The following NCOA6 variants were observed in gnomAD, a reference collection of about 807,000 sequenced individuals.
NCOA6 encodes the protein NRC RAP250.
NCOA6 carries 49 observed loss-of-function variants against 171.4 expected under a neutral mutation model. The observed-to-expected ratio is 0.29, with a 90% confidence interval of 0.23 to 0.36. The LOEUF (loss-of-function observed/expected upper bound fraction) is 0.36. NCOA6 is among the 10% of genes least tolerant of loss of function. NCOA6 has a pLI of 1.00. For synonymous variants in NCOA6, 910 were observed against 927.5 expected (o/e 0.98, Z 0.34); for missense variants, 2,248 against 2,554.5 (o/e 0.88, Z 2.59).
rs570824337 is a variant in NCOA6, at chr20:34,802,808, C to T, written c.-163-10245G>A. On this transcript the variant is annotated intron_variant, in intron 1 of 14. Transcript: ENST00000359003. ...GGCAAAATGCAAGTTGAGAGTTACA[C>T]ATTTTTGTTTGTTTTAGTTTTTTGA... is the stretch of plus-strand genomic sequence containing the variant. Among the ~76,000 whole-genome samples the T allele has an allele frequency of 8.5e-5, 13 of 152,182 alleles. No homozygotes were observed. The East Asian group carries it at 2.1e-3, about 25-fold the overall frequency.
chr20:34,722,054 C>CAAAAAAAAAAAA (rs71196757), intron 14 of NCOA6, among the ~76,000 whole-genome samples: 1 of 63,386 alleles, frequency 1.6e-5, no homozygotes, highest in Non-Finnish European at 2.8e-5. Flanking sequence ...GACCCTGTCT[C>CAAAAAAAAAAAA]AAAAAAAAAA....
intron 6 of NCOA6, 24 bp downstream of exon 6, chr20:34,758,781 T>C: frequency 1.2e-6 from 2 of 1,610,008 alleles, no homozygotes; most frequent in Non-Finnish European, 1.7e-6. Flanking sequence ...AGACTCTTCA[T>C]CCTCAAAGAT....
intron 1 of NCOA6, among the ~76,000 whole-genome samples, chr20:34,811,267 C>A (rs2146623115): frequency 7.8e-6 from 1 of 128,678 alleles, no homozygotes; most frequent in East Asian, 2.3e-4. Flanking sequence ...AAATGATTAT[C>A]TCTATTCAAA....
chr20:34,731,582 T>C (rs1353945473), intron 13 of NCOA6, among the ~76,000 whole-genome samples: 1 of 152,208 alleles, frequency 6.6e-6, no homozygotes, highest in Non-Finnish European at 1.5e-5. Flanking sequence ...TAAGGATGCA[T>C]GGCATGGAAC....
chr20:34,750,305 G>A lies in NCOA6; in HGVS notation c.1890C>T (p.Pro630=). 1 of 1,613,430 alleles carries A rather than the reference G, an allele frequency of 6.2e-7. No individual in the cohort carries two copies. The highest frequency in any genetic ancestry group is 1.1e-5 in the South Asian group (1 of 91,036). ...GTTGCTGGACCATCTGGCCCTGGGAGGGCACGATTTGCTGGTGCATGCCCA... is the reference window on the plus strand; with the variant it reads ...GTTGCTGGACCATCTGGCCCTGGGAAGGCACGATTTGCTGGTGCATGCCCA... ...QLMGMHQQIV[P]SQGQMVQQQG... Residue 630 remains proline (P), a synonymous_variant, in exon 9 of 15, where the codon CCC becomes CCT. Transcript: ENST00000359003.
chr20:34,789,347 CT>C (rs1215173530), intron 2 of NCOA6, among the ~76,000 whole-genome samples: 6 of 152,126 alleles, frequency 3.9e-5, no homozygotes, highest in African/African-American at 1.4e-4. Context: ...TTGTAAAGCC[CT>C]ACAAGGAGGA....
Position 34,758,110 on chromosome 20 carries a change from T to C in NCOA6, c.644-6A>G, listed in dbSNP as rs1174528398. 6.3e-7 allele frequency: 1 copy of C among 1,595,946 alleles called. No homozygotes were observed. The highest frequency in any genetic ancestry group is 1.3e-5 in the African/African-American group (1 of 74,480). ...GAGGAGTGGATCCATTGCATCTGTT[T>C]AAAGATAGTCAACAAAGCAATAATT... On this transcript the variant is annotated splice_region_variant and splice_polypyrimidine_tract_variant and intron_variant, in intron 6 of 14. Coordinates refer to ENST00000359003, the MANE Select transcript of NCOA6 (RefSeq NM_014071.5).
chr20:34,774,570 C>G (rs1600963895), intron 4 of NCOA6, among the ~76,000 whole-genome samples: 1 of 152,200 alleles, frequency 6.6e-6, no homozygotes, highest in East Asian at 1.9e-4. Flanking sequence ...AACAAAATGA[C>G]CTCGACTGCT....
intron 1 of NCOA6, among the ~76,000 whole-genome samples, chr20:34,794,313 T>C (rs891436912): frequency 6.6e-6 from 1 of 152,116 alleles, no homozygotes; most frequent in East Asian, 1.9e-4. Context: ...AAAATTACAA[T>C]TGCATAAACT....
chr20:34,796,342 G>C (rs1379423981), intron 1 of NCOA6, among the ~76,000 whole-genome samples: 1 of 152,046 alleles, frequency 6.6e-6, no homozygotes, highest in African/African-American at 2.4e-5. Context: ...GTTAGAACCA[G>C]GTATAGCGGC....
At chr20:34,724,603 C>A (rs1389459894) in intron 14 of NCOA6, among the ~76,000 whole-genome samples, 1 of 152,144 alleles carries the variant, frequency 6.6e-6, no homozygotes, top group Non-Finnish European at 1.5e-5. Flanking sequence ...CTGGTCACTG[C>A]CTCCTCATTC....
intron 7 of NCOA6, 129 bp downstream of exon 7, chr20:34,757,091 A>G: frequency 1.0e-6 from 1 of 971,588 alleles, no homozygotes; most frequent in Non-Finnish European, 1.5e-6. Context: ...ATCAAGTGTC[A>G]CCACCATATC....
chr20:34,786,619 G>A (rs560137343), intron 2 of NCOA6, among the ~76,000 whole-genome samples: 2 of 152,156 alleles, frequency 1.3e-5, no homozygotes, highest in East Asian at 1.9e-4. Context: ...AGTCATTCAC[G>A]AGCAGGTTGT....
At chr20:34,753,364 T>TA (rs998185528) in intron 8 of NCOA6, among the ~76,000 whole-genome samples, 16 of 148,166 alleles carry the variant, frequency 1.1e-4, no homozygotes, top group Non-Finnish European at 2.2e-4. Context: ...AAACTTCCTA[T>TA]AAAAAAACAT....
chr20:34,737,370 G>C (rs1394369564), intron 11 of NCOA6, among the ~76,000 whole-genome samples: 1 of 152,200 alleles, frequency 6.6e-6, no homozygotes, highest in African/African-American at 2.4e-5. Flanking sequence ...TACCCTGAGA[G>C]ACCAAACTAT....
At chr20:34,734,575 G>A (rs988424422) in intron 12 of NCOA6, among the ~76,000 whole-genome samples, 14 of 152,000 alleles carry the variant, frequency 9.2e-5, no homozygotes, top group African/African-American at 3.4e-4. Flanking sequence ...TGAACCCCTC[G>A]GCTCAATCAA....
intron 8 of NCOA6, among the ~76,000 whole-genome samples, chr20:34,751,376 C>CAAAAAAAAAAAAAAAAAAAAAAA (rs35848122): frequency 4.2e-4 from 29 of 68,242 alleles, no homozygotes; most frequent in Admixed American, 6.6e-4. Context: ...GACTCCGTCT[C>CAAAAAAAAAAAAAAAAAAAAAAA]AAAAAAAAAA....
chr20:34,813,539 A>G (rs2078741618), intron 1 of NCOA6, among the ~76,000 whole-genome samples: 2 of 152,178 alleles, frequency 1.3e-5, no homozygotes, highest in Admixed American at 1.3e-4. Context: ...AATATTAAGA[A>G]ATTACTGTTT....
rs546803381 is a variant in NCOA6 at position 34,740,535 on chromosome 20, G to C, written c.5721C>G (p.Gly1907=). ...GTASAGPSLP[G]GALPTSVRSI... Reference sequence around the variant, plus strand: ...AGCGTACACTGGTGGGGAGAGCACCGCCAGGTAAGCTGGGTCCTGCTGAGG... The same window carrying C: ...AGCGTACACTGGTGGGGAGAGCACCCCCAGGTAAGCTGGGTCCTGCTGAGG... The change falls in exon 11 of 15, where the codon GGC becomes GGG. Residue 1907 remains glycine (G), a synonymous_variant. Transcript: ENST00000359003. 4.1e-5 allele frequency: 66 copies of C among 1,613,938 alleles called. No individual in the cohort carries two copies. The highest frequency in any genetic ancestry group is 5.6e-5 in the Non-Finnish European group (66 of 1,179,846).
Sources: allele counts gnomAD v4.1 joint callset (sites outside exome capture counted in the v4.1 genomes callset), GRCh38; gene constraint gnomAD v4.1.1; transcripts MANE v1.5; gene names NCBI Gene and HGNC (gene_info 2026-07-23, HGNC 2026-07-21).